The following NECAB2 variants were observed in gnomAD, a reference collection of about 807,000 sequenced individuals.
NECAB2 encodes the protein N-terminal EF-hand calcium-binding protein 2.
A neutral mutation model predicts 51.9 loss-of-function variants in NECAB2; 68 were observed. The ratio of observed to expected loss-of-function variants is 1.31; its 90% CI spans 1.08 to 1.60. The LOEUF (loss-of-function observed/expected upper bound fraction) is 1.60, where lower values mean the gene tolerates loss of function less well. Ranked by LOEUF, NECAB2 falls within the 40% of genes most tolerant of loss-of-function variation. NECAB2 has a pLI of 0.00. For missense variants in NECAB2, 854 were observed against 490.3 expected (o/e 1.74, Z -7.00); for synonymous variants, 329 against 203.5 (o/e 1.62, Z -5.25).
At chr16:83,990,816 G>A (rs970608578) in intron 6 of NECAB2, among the ~76,000 whole-genome samples, 186 bp downstream of exon 6, 1 of 152,020 alleles carries the variant, frequency 6.6e-6, no homozygotes, top group Non-Finnish European at 1.5e-5. Flanking sequence ...TAAAATCTCA[G>A]CCATTGCAAG....
At chr16:83,999,113 T>C (rs2084769686) in intron 10 of NECAB2, among the ~76,000 whole-genome samples, 1 of 152,168 alleles carries the variant, frequency 6.6e-6, no homozygotes, top group South Asian at 2.1e-4. Context: ...GCACAGGGTC[T>C]TTGAGAGGGG....
Position 83,968,867 on chromosome 16 carries a change from G to A in NECAB2, c.201+18G>A, listed in dbSNP as rs1018141426. On this transcript the variant is annotated intron_variant, in intron 1 of 12. Transcript: ENST00000305202. ...TCCTGGACGTGAGTACGCGCCGGCC[G>A]GGACCCCCGCCGTGGCCTCCGCTGG... 9.9e-5 allele frequency: 110 copies of A among 1,113,852 alleles called. No individual in the cohort carries two copies. In the African/African-American group the frequency reaches 1.6e-3, roughly 16 times the overall value. The allele number at this position is 1,113,852 out of a possible 1,614,324, so 69.0% of individuals were successfully genotyped here. A position where few individuals can be genotyped will look rare whatever the true frequency, so the allele number is the denominator to read the frequency against.
intron 3 of NECAB2, among the ~76,000 whole-genome samples, chr16:83,980,096 A>C (rs191052163): frequency 2.6e-3 from 402 of 152,336 alleles, no homozygotes; most frequent in African/African-American, 9.2e-3. Flanking sequence ...CCTGGGCTCC[A>C]CTGAGCACGA....
intron 2 of NECAB2, among the ~76,000 whole-genome samples, chr16:83,974,884 A>C (rs1405532085): frequency 2.1e-5 from 3 of 145,428 alleles, no homozygotes; most frequent in Non-Finnish European, 4.6e-5. Context: ...GTGTGGGTGC[A>C]GGGATGAGAG....
rs560515105 is a variant in NECAB2 at position 83,997,076 on chromosome 16, C to A, written c.796-140C>A. On this transcript the variant is annotated intron_variant, in intron 8 of 12. Coordinates refer to ENST00000305202, the MANE Select transcript of NECAB2 (RefSeq NM_019065.3). ...GGCCAGAGGGAGTCTCTGCCACTTC[C>A]TAGCGTTGGTCTCCCAGCCCTGTGC... 2,243 of 850,878 alleles carry A rather than the reference C, an allele frequency of 2.6e-3. 9 individuals carry two copies. The highest frequency in any genetic ancestry group is 4.0e-3 in the South Asian group (251 of 62,296). 52.7% of individuals were successfully genotyped at this position (850,878 alleles called of 1,614,324 possible).
intron 10 of NECAB2, among the ~76,000 whole-genome samples, 155 bp from the exon 11 acceptor site, chr16:84,000,569 T>C (rs913158353): frequency 1.3e-5 from 2 of 152,122 alleles, no homozygotes; most frequent in Non-Finnish European, 2.9e-5. Context: ...TGTGCTGGGG[T>C]CACCCTGTCG....
chr16:83,976,858 C>G (rs184960476), intron 2 of NECAB2, among the ~76,000 whole-genome samples: 192 of 152,342 alleles, frequency 1.3e-3, no homozygotes, highest in Admixed American at 2.2e-3. Context: ...AGCTTATGCT[C>G]TCACCCTGTG....
chr16:83,993,185 C>A (rs968387516), intron 6 of NECAB2, among the ~76,000 whole-genome samples: 2 of 152,174 alleles, frequency 1.3e-5, no homozygotes, highest in African/African-American at 4.8e-5. Flanking sequence ...GACAGTCTCC[C>A]AGGATGTCAC....
chr16:83,978,870 C>A (rs1320603441), intron 3 of NECAB2, among the ~76,000 whole-genome samples: 1 of 152,070 alleles, frequency 6.6e-6, no homozygotes, highest in Admixed American at 6.6e-5. Flanking sequence ...CCATCTTCAG[C>A]CAGCAGCCAG....
At chr16:83,980,733 A>G in intron 3 of NECAB2, 106 bp from the exon 4 acceptor site, 7 of 1,431,636 alleles carry the variant, frequency 4.9e-6, no homozygotes, top group Non-Finnish European at 6.7e-6. Flanking sequence ...GCCAGCACAC[A>G]GGCTGCAAAG....
At chr16:84,000,685 G>A (rs747542664) in intron 10 of NECAB2, 39 bp from the exon 11 acceptor site, 14 of 1,600,050 alleles carry the variant, frequency 8.7e-6, no homozygotes, top group Non-Finnish European at 1.2e-5. Context: ...GGCCTTGGTT[G>A]AGCTCCAGCC....
rs1479472519 is a variant in NECAB2 at position 84,002,469 on chromosome 16, G to A, written c.*123G>A. ...TTTTCAATCCATCCTCCACAAGAAG[G>A]TGTTTCCCTGTTGTTAAGTGAAGGA... On this transcript the variant is annotated 3_prime_UTR_variant, in exon 13 of 13. Transcript: ENST00000305202. The A allele has an allele frequency of 7.5e-7, 1 of 1,328,196 alleles. No individual in the cohort carries two copies. Among genetic ancestry groups the A allele is most frequent in the East Asian group, 2.3e-5 (1 of 43,224 alleles). The allele number at this position is 1,328,196 out of a possible 1,614,324, so 82.3% of individuals were successfully genotyped here.
chr16:83,978,408 A>C (rs2084441880), intron 2 of NECAB2, 36 bp from the exon 3 acceptor site: 1 of 1,582,022 alleles, frequency 6.3e-7, no homozygotes, highest in African/African-American at 1.3e-5. Flanking sequence ...TTATCTCTGC[A>C]GACACCAGCT....
chr16:84,000,655 C>G, intron 10 of NECAB2, 69 bp from the exon 11 acceptor site: 3 of 1,425,450 alleles, frequency 2.1e-6, no homozygotes, highest in East Asian at 2.3e-5. Flanking sequence ...CAGGCCACCC[C>G]AGGGGAACAG....
At chr16:83,984,722 C>A (rs765324938) in intron 5 of NECAB2, among the ~76,000 whole-genome samples, 1 of 152,110 alleles carries the variant, frequency 6.6e-6, no homozygotes, top group Non-Finnish European at 1.5e-5. Flanking sequence ...AAGAGAAACC[C>A]TGTCTCTCAA....
intron 9 of NECAB2, 84 bp from the exon 10 acceptor site, chr16:83,998,121 A>G (rs1246258018): frequency 1.6e-5 from 19 of 1,202,772 alleles, no homozygotes; most frequent in African/African-American, 3.0e-5. Context: ...TTGACCGAGG[A>G]AGGGAGGTCA....
chr16:83,998,152 T>G (rs1164513383), intron 9 of NECAB2, 53 bp from the exon 10 acceptor site: 5 of 1,549,050 alleles, frequency 3.2e-6, no homozygotes, highest in African/African-American at 1.4e-5. Context: ...ATGGGGTGTT[T>G]AGGGAGAAGG....
chr16:83,977,152 A>G (rs1050667230), intron 2 of NECAB2, among the ~76,000 whole-genome samples: 1 of 152,234 alleles, frequency 6.6e-6, no homozygotes, highest in African/African-American at 2.4e-5. Context: ...CCTTGTCCCA[A>G]GCACCCAGCT....
intron 10 of NECAB2, among the ~76,000 whole-genome samples, chr16:83,999,158 G>T (rs2084770848): frequency 6.6e-6 from 1 of 152,178 alleles, no homozygotes. Flanking sequence ...AGGCTTGAGT[G>T]ACAACAGCCT....
Sources: allele counts gnomAD v4.1 joint callset (sites outside exome capture counted in the v4.1 genomes callset), GRCh38; gene constraint gnomAD v4.1.1; transcripts MANE v1.5; gene names NCBI Gene and HGNC (gene_info 2026-07-23, HGNC 2026-07-21).